Variants in MCC observed in about 807,000 individuals in gnomAD.
MCC encodes MCC regulator of Wnt signaling pathway.
A neutral mutation model predicts 116.2 loss-of-function variants in MCC; 90 were observed. The ratio of observed to expected loss-of-function variants is 0.77; its 90% CI spans 0.65 to 0.92. The LOEUF (loss-of-function observed/expected upper bound fraction) is 0.92, where lower values mean the gene tolerates loss of function less well. MCC is among the 40% of genes least tolerant of loss of function. The pLI is 0.00. For missense variants in MCC, 1,516 were observed against 1,312.2 expected (o/e 1.16, Z -2.40); for synonymous variants, 578 against 510.5 (o/e 1.13, Z -1.78).
chr5:113,448,626 A>C (rs1354437818), intron 1 of MCC, among the ~76,000 whole-genome samples: 1 of 151,940 alleles, frequency 6.6e-6, no homozygotes, highest in Non-Finnish European at 1.5e-5. Flanking sequence ...ACAAATACAC[A>C]CTCCAGTTTT....
At chr5:113,186,883 G>T (rs963488204) in intron 3 of MCC, among the ~76,000 whole-genome samples, 1 of 152,088 alleles carries the variant, frequency 6.6e-6, no homozygotes, top group Non-Finnish European at 1.5e-5. Context: ...TTTCACAACC[G>T]GGGGAGGATA....
At chr5:113,251,917 G>A (rs1038460794) in intron 3 of MCC, among the ~76,000 whole-genome samples, 1 of 152,146 alleles carries the variant, frequency 6.6e-6, no homozygotes, top group Admixed American at 6.5e-5. Flanking sequence ...AAAAGAAGAG[G>A]AACAGGAGCA....
At chr5:113,138,364 G>C (rs1758966929) in intron 5 of MCC, among the ~76,000 whole-genome samples, 1 of 152,188 alleles carries the variant, frequency 6.6e-6, no homozygotes, top group South Asian at 2.1e-4. Context: ...GGTGTTTGGA[G>C]ACAGGGCCTT....
rs764511554 is a variant in MCC, at chr5:113,193,411, A to G, written c.628-41989T>C. 7.2e-5 allele frequency among the ~76,000 whole-genome samples: 11 copies of G among 152,230 alleles called. No individual in the cohort carries two copies. In the South Asian group the frequency reaches 1.0e-3, roughly 14 times the overall value. On this transcript the variant is annotated intron_variant, in intron 3 of 18. Coordinates refer to ENST00000408903, the MANE Select transcript of MCC (RefSeq NM_001085377.2). ...ACAGATGTTCTTATTATATTAAGCT[A>G]TTTGAGAATGGTAACATGGGGTTGT... is the stretch of plus-strand genomic sequence containing the variant.
At chr5:113,138,352 A>T (rs1758966142) in intron 5 of MCC, among the ~76,000 whole-genome samples, 1 of 152,142 alleles carries the variant, frequency 6.6e-6, no homozygotes, top group Non-Finnish European at 1.5e-5. Context: ...ATCCAATGTG[A>T]TGGTGTTTGG....
chr5:113,456,062 T>C (rs1441076146), intron 1 of MCC, among the ~76,000 whole-genome samples: 3 of 152,244 alleles, frequency 2.0e-5, no homozygotes, highest in African/African-American at 7.2e-5. Context: ...GTGACACATA[T>C]GTAGGTTAAT....
chr5:113,356,378 A>G (rs1285238841), intron 2 of MCC, among the ~76,000 whole-genome samples: 2 of 148,214 alleles, frequency 1.3e-5, no homozygotes, highest in African/African-American at 4.9e-5. Flanking sequence ...AATAGATAAT[A>G]TTATATATTT....
At chr5:113,313,533 C>T (rs906459121) in intron 3 of MCC, among the ~76,000 whole-genome samples, 6 of 152,022 alleles carry the variant, frequency 3.9e-5, no homozygotes, top group African/African-American at 1.4e-4. Context: ...GATATGATGG[C>T]AATGGCGAGC....
chr5:113,312,696 G>A (rs879545235), intron 3 of MCC, among the ~76,000 whole-genome samples: 5 of 152,328 alleles, frequency 3.3e-5, no homozygotes, highest in Admixed American at 6.5e-5. Context: ...ATGGTTTTAA[G>A]ATGGATACAA....
intron 3 of MCC, among the ~76,000 whole-genome samples, chr5:113,275,307 G>T (rs1765781610): frequency 6.6e-6 from 1 of 152,182 alleles, no homozygotes; most frequent in African/African-American, 2.4e-5. Context: ...ATTTTGGTCA[G>T]ATACAGTTTA....
At chr5:113,398,117 A>G (rs1299758479) in intron 1 of MCC, among the ~76,000 whole-genome samples, 2 of 152,252 alleles carry the variant, frequency 1.3e-5, no homozygotes, top group Admixed American at 1.3e-4. Context: ...AGAAATGCAA[A>G]TCAAAACCAC....
At chr5:113,136,703 G>T in intron 5 of MCC, among the ~76,000 whole-genome samples, 1 of 152,124 alleles carries the variant, frequency 6.6e-6, no homozygotes. Flanking sequence ...TTTGTATCCT[G>T]TAACTTTACT....
Position 113,294,275 on chromosome 5 carries a change from G to C in MCC, c.627+46244C>G, listed in dbSNP as rs550365659. On this transcript the variant is annotated intron_variant, in intron 3 of 18. Transcript: ENST00000408903. ...GGGGAGGTCGAGGGGAGGGGGATTT[G>C]TGGAAAAGCAAACGCCCGAGAAACC... 3.7e-6 allele frequency: 6 copies of C among 1,612,636 alleles called. No homozygotes were observed. In the Admixed American group the frequency reaches 8.3e-5, roughly 22 times the overall value.
At position 113,122,724 on chromosome 5, in the gene MCC, A is replaced by G; in HGVS notation, c.987T>C (p.Ser329=). 1 of 1,614,196 alleles carries G rather than the reference A, an allele frequency of 6.2e-7. No homozygotes were observed. The highest frequency in any genetic ancestry group is 1.1e-5 in the South Asian group (1 of 91,078). ...RSMDQDQTSV[S]IPENQSTMVT... is the part of the protein sequence containing the mutation. Reference sequence around the variant, plus strand: ...CCATGGTAGACTGGTTTTCGGGGATAGAGACAGAGGTCTGGTCTTGGTCCA... The same window carrying G: ...CCATGGTAGACTGGTTTTCGGGGATGGAGACAGAGGTCTGGTCTTGGTCCA... The change falls in exon 6 of 19, where the codon TCT becomes TCC. Residue 329 remains serine, a synonymous_variant. Transcript: ENST00000408903.
chr5:113,212,028 A>C (rs936053801), intron 3 of MCC, among the ~76,000 whole-genome samples: 1 of 152,242 alleles, frequency 6.6e-6, no homozygotes, highest in African/African-American at 2.4e-5. Context: ...TCTAAGATGC[A>C]GTAAGATCCC....
At chr5:113,429,855 C>T (rs1218286223) in intron 1 of MCC, among the ~76,000 whole-genome samples, 1 of 152,186 alleles carries the variant, frequency 6.6e-6, no homozygotes, top group Non-Finnish European at 1.5e-5. Flanking sequence ...CCAACACAGT[C>T]AATGACATTA....
At chr5:113,393,447 T>A (rs983528466) in intron 1 of MCC, among the ~76,000 whole-genome samples, 1 of 152,214 alleles carries the variant, frequency 6.6e-6, no homozygotes, top group East Asian at 1.9e-4. Context: ...TCAAATTAGA[T>A]GAATGATCCA....
At chr5:113,369,942 T>G (rs563604817) in intron 2 of MCC, among the ~76,000 whole-genome samples, 1 of 152,328 alleles carries the variant, frequency 6.6e-6, no homozygotes, top group Non-Finnish European at 1.5e-5. Context: ...AATCTATCAT[T>G]TTATTCATAC....
At chr5:113,152,692 G>C (rs1759952029) in intron 3 of MCC, among the ~76,000 whole-genome samples, 1 of 152,182 alleles carries the variant, frequency 6.6e-6, no homozygotes, top group South Asian at 2.1e-4. Flanking sequence ...TGGGTGTTGA[G>C]TGAGGGAGAA....
Sources: allele counts gnomAD v4.1 joint callset (sites outside exome capture counted in the v4.1 genomes callset), GRCh38; gene constraint gnomAD v4.1.1; transcripts MANE v1.5; gene names NCBI Gene and HGNC (gene_info 2026-07-23, HGNC 2026-07-21).